The following PTPRG variants were observed in gnomAD, a reference collection of about 807,000 sequenced individuals.
PTPRG encodes protein tyrosine phosphatase receptor type G, also known as receptor-type tyrosine-protein phosphatase gamma.
A neutral mutation model predicts 165.3 loss-of-function variants in PTPRG; 102 were observed. The ratio of observed to expected loss-of-function variants is 0.62; its 90% CI spans 0.53 to 0.73. The LOEUF is 0.73. Among genes scored for constraint, PTPRG ranks in the 30% least tolerant of loss-of-function variants. The pLI is 0.00. For missense variants in PTPRG, 1,866 were observed against 1,861.4 expected, an observed-to-expected ratio of 1.00 and a Z score of -0.05; for synonymous variants, 675 against 669.5, an observed-to-expected ratio of 1.01 and a Z score of -0.13.
In PTPRG at chr3:61,668,498, T is replaced by G. The variant is rs144468522; in HGVS notation, c.86-80380T>G. On this transcript the variant is annotated intron_variant, in intron 1 of 29. Transcript: ENST00000474889. ...TTCAGAATAGAAACTGACAGGCCCATTTTAGTAGAAAGCAAACGGCAGTGT... is the reference window on the plus strand; with the variant it reads ...TTCAGAATAGAAACTGACAGGCCCAGTTTAGTAGAAAGCAAACGGCAGTGT... Among the ~76,000 whole-genome samples the G allele has an allele frequency of 2.5e-4, 38 of 152,298 alleles. 1 individual carries two copies. Among genetic ancestry groups the G allele is most frequent in the Non-Finnish European group, 1.5e-5 (1 of 68,028 alleles).
At chr3:61,678,473 C>T (rs2107106435) in intron 1 of PTPRG, among the ~76,000 whole-genome samples, 1 of 152,236 alleles carries the variant, frequency 6.6e-6, no homozygotes, top group Middle Eastern at 3.4e-3. Flanking sequence ...CGGGAACAAC[C>T]TGATGGTATC....
At chr3:62,129,263 C>T (rs970385348) in intron 5 of PTPRG, among the ~76,000 whole-genome samples, 1 of 152,154 alleles carries the variant, frequency 6.6e-6, no homozygotes, top group Non-Finnish European at 1.5e-5. Context: ...TTTCCTTTTG[C>T]ATAGCCTACA....
intron 1 of PTPRG, among the ~76,000 whole-genome samples, chr3:61,719,401 TAA>T (rs918163242): frequency 1.3e-4 from 20 of 152,290 alleles, no homozygotes; most frequent in African/African-American, 4.8e-4. Flanking sequence ...CTTTTCTTGC[TAA>T]AGTGTGTGGG....
At chr3:61,699,516 A>C (rs994637143) in intron 1 of PTPRG, among the ~76,000 whole-genome samples, 4 of 152,186 alleles carry the variant, frequency 2.6e-5, no homozygotes. Context: ...TTACCTTGTA[A>C]ATGGCAGCTG....
In PTPRG at chr3:62,272,097, C is replaced by CA. The variant is rs1051790182; in HGVS notation, c.3182+553dup. On this transcript the variant is annotated intron_variant, in intron 21 of 29. Transcript: ENST00000474889. ...GTGATGATAGAGCAAGATCATGACT[C>CA]AAAAAAAAAAAGAAAAAATTACAAA... Among the ~76,000 whole-genome samples, 556 of 136,526 alleles carry CA rather than the reference C, an allele frequency of 4.1e-3. 3 individuals are homozygous for CA. Among genetic ancestry groups the CA allele is most frequent in the Middle Eastern group, 0.015 (4 of 268 alleles). The allele number at this position is 136,526 out of a possible 152,430, so 89.6% of individuals were successfully genotyped here.
chr3:61,695,091 A>T (rs1575594308), intron 1 of PTPRG, among the ~76,000 whole-genome samples: 1 of 151,634 alleles, frequency 6.6e-6, no homozygotes, highest in Non-Finnish European at 1.5e-5. Flanking sequence ...GCTCACTGCA[A>T]CCTCCGCCTC....
At chr3:61,605,782 C>G (rs564856896) in intron 1 of PTPRG, among the ~76,000 whole-genome samples, 2 of 152,106 alleles carry the variant, frequency 1.3e-5, no homozygotes, top group South Asian at 4.2e-4. Flanking sequence ...CTACGTTGCC[C>G]AGGCTGGTCT....
chr3:61,883,322 A>T (rs763972589), intron 2 of PTPRG, among the ~76,000 whole-genome samples: 15 of 152,048 alleles, frequency 9.9e-5, no homozygotes, highest in Non-Finnish European at 2.1e-4. Flanking sequence ...TGTACTGGGG[A>T]GGCTCCTGAT....
chr3:62,131,934 T>C (rs973629828), intron 5 of PTPRG, among the ~76,000 whole-genome samples: 4 of 152,186 alleles, frequency 2.6e-5, no homozygotes, highest in Admixed American at 6.5e-5. Flanking sequence ...ATTTTAATCT[T>C]CTAGAATGGG....
chr3:61,805,530 C>CAAAAAAAA (rs58646519), intron 2 of PTPRG, among the ~76,000 whole-genome samples: 1 of 96,518 alleles, frequency 1.0e-5, no homozygotes, highest in Non-Finnish European at 2.3e-5. Flanking sequence ...ATGGGAAAGA[C>CAAAAAAAA]AAAAAAAAAA....
At chr3:62,081,704 C>T (rs1414644609) in intron 5 of PTPRG, among the ~76,000 whole-genome samples, 5 of 152,154 alleles carry the variant, frequency 3.3e-5, no homozygotes, top group Non-Finnish European at 7.3e-5. Flanking sequence ...CTATGTCATG[C>T]AATGCAAATA....
At chr3:62,106,503 CTTTTT>C (rs149641730) in intron 5 of PTPRG, among the ~76,000 whole-genome samples, 7 of 118,592 alleles carry the variant, frequency 5.9e-5, no homozygotes, top group South Asian at 2.7e-4. Context: ...CTCTTAAAGG[CTTTTT>C]TTTTTTTTTT....
intron 4 of PTPRG, among the ~76,000 whole-genome samples, chr3:62,059,918 A>G (rs566964416): frequency 8.5e-5 from 13 of 152,212 alleles, no homozygotes; most frequent in Admixed American, 4.6e-4. Context: ...CCCCTCCACC[A>G]TGATTGTAAG....
At chr3:61,938,240 T>TC (rs1245414992) in intron 2 of PTPRG, among the ~76,000 whole-genome samples, 1 of 151,642 alleles carries the variant, frequency 6.6e-6, no homozygotes, top group Non-Finnish European at 1.5e-5. Context: ...TTTTCCTTTT[T>TC]TTTTTTTTTT....
chr3:61,956,170 C>T (rs1016899135), intron 2 of PTPRG, among the ~76,000 whole-genome samples: 4 of 151,664 alleles, frequency 2.6e-5, no homozygotes, highest in Admixed American at 2.6e-4. Flanking sequence ...TGTGATTATC[C>T]TCCAGAGAGG....
chr3:62,070,078 A>G (rs1701160565), intron 4 of PTPRG, among the ~76,000 whole-genome samples: 1 of 152,220 alleles, frequency 6.6e-6, no homozygotes, highest in South Asian at 2.1e-4. Flanking sequence ...ATGTATTTTA[A>G]TGTAATATGT....
At chr3:61,651,940 G>T (rs937722573) in intron 1 of PTPRG, among the ~76,000 whole-genome samples, 3 of 152,096 alleles carry the variant, frequency 2.0e-5, no homozygotes, top group Non-Finnish European at 4.4e-5. Context: ...AACCTGGGAG[G>T]CTGAGGTTGT....
chr3:61,911,211 G>A (rs2038794772), intron 2 of PTPRG, among the ~76,000 whole-genome samples: 1 of 152,166 alleles, frequency 6.6e-6, no homozygotes, highest in Non-Finnish European at 1.5e-5. Flanking sequence ...AAGACAAAGA[G>A]GGGAAGGGGG....
intron 5 of PTPRG, among the ~76,000 whole-genome samples, chr3:62,112,120 A>G (rs1162660142): frequency 2.7e-5 from 4 of 149,158 alleles, no homozygotes; most frequent in African/African-American, 7.4e-5. Flanking sequence ...TTTTTTTTTG[A>G]AATGGAGTTT....
Sources: allele counts gnomAD v4.1 joint callset (sites outside exome capture counted in the v4.1 genomes callset), GRCh38; gene constraint gnomAD v4.1.1; transcripts MANE v1.5; gene names NCBI Gene and HGNC (gene_info 2026-07-23, HGNC 2026-07-21).